The following HRK variants were observed in gnomAD, a reference collection of about 807,000 sequenced individuals.
HRK encodes the protein activator of apoptosis harakiri.
Under a neutral mutation model 5.9 loss-of-function variants are expected in HRK, and 6 were observed. The observed-to-expected ratio is 1.02, with a 90% CI of 0.56 to 2.01. HRK has a LOEUF of 2.01. HRK is among the 30% of genes most tolerant of loss of function. HRK has a pLI of 0.00. For synonymous variants in HRK, 85 were observed against 65.1 expected (o/e 1.31, Z -1.47); for missense variants, 133 against 128.3 (o/e 1.04, Z -0.18).
At chr12:116,880,780 G>A (rs1323547870) in intron 1 of HRK, among the ~76,000 whole-genome samples, 196 bp downstream of exon 1, 1 of 152,170 alleles carries the variant, frequency 6.6e-6, no homozygotes, top group Non-Finnish European at 1.5e-5. Flanking sequence ...AGAAACGGTG[G>A]ACCTTACACT....
At chr12:116,874,437 C>T (rs1039439175) in intron 1 of HRK, among the ~76,000 whole-genome samples, 2 of 152,172 alleles carry the variant, frequency 1.3e-5, no homozygotes, top group African/African-American at 4.8e-5. Context: ...GGTGAGGAGT[C>T]CCTGGGGCAC....
intron 1 of HRK, among the ~76,000 whole-genome samples, chr12:116,871,774 A>C (rs771131429): frequency 6.6e-6 from 1 of 151,574 alleles, no homozygotes; most frequent in Non-Finnish European, 1.5e-5. Context: ...CTACAGATGC[A>C]AGCCACCATG....
intron 1 of HRK, among the ~76,000 whole-genome samples, chr12:116,872,757 A>G (rs543055645): frequency 6.6e-6 from 1 of 152,060 alleles, no homozygotes; most frequent in South Asian, 2.1e-4. Flanking sequence ...CCTGGGTGAC[A>G]GAGTAAGACC....
chr12:116,872,627 T>G (rs949284490), intron 1 of HRK, among the ~76,000 whole-genome samples: 5 of 147,400 alleles, frequency 3.4e-5, no homozygotes, highest in African/African-American at 1.3e-4. Context: ...ATACAAAAAT[T>G]AGCCAGGTGT....
intron 1 of HRK, chr12:116,876,674 C>T (rs909881674): frequency 2.6e-4 from 39 of 152,128 alleles, no homozygotes; most frequent in African/African-American, 8.7e-4. Context: ...CCCACGCCTC[C>T]GCCAGCCAGC....
intron 1 of HRK, among the ~76,000 whole-genome samples, chr12:116,872,602 C>G (rs1286019822): frequency 1.3e-5 from 2 of 151,810 alleles, no homozygotes; most frequent in Non-Finnish European, 2.9e-5. Context: ...TAGCAAAACC[C>G]TGTCTCTACA....
Position 116,857,746 on chromosome 12 carries a change from A to C in HRK, c.*3777T>G, listed in dbSNP as rs1878202247. The C allele has an allele frequency of 6.6e-6, 1 of 152,240 alleles. No homozygotes were observed. Among genetic ancestry groups the C allele is most frequent in the Admixed American group, 6.5e-5 (1 of 15,284 alleles). The allele number at this position is 152,240 out of a possible 1,614,324, so 9.4% of individuals were successfully genotyped here. On this transcript the variant is annotated 3_prime_UTR_variant, in exon 2 of 2. Transcript: ENST00000257572. ...CACCCTTTCCTCTCACCATCAAAAC[A>C]GAAAAGAATCAAAATAAGAAGTGGA...
chr12:116,880,957 C>G lies in HRK; in HGVS notation c.*56+19G>C, dbSNP rs1565886546. Reference sequence around the variant, plus strand: ...TGCCCAGCTGCCGCGCCCCGGCTCTCGCTCGCTCGCTCGCGTACCTGTTGC... The same window carrying G: ...TGCCCAGCTGCCGCGCCCCGGCTCTGGCTCGCTCGCTCGCGTACCTGTTGC... On this transcript the variant is annotated intron_variant, in intron 1 of 1. Coordinates refer to ENST00000257572, the MANE Select transcript of HRK (RefSeq NM_003806.4). The G allele has an allele frequency of 9.1e-7, 1 of 1,103,598 alleles. No homozygotes were observed. Among genetic ancestry groups the G allele is most frequent in the Non-Finnish European group, 1.2e-6 (1 of 868,052 alleles). The allele number at this position is 1,103,598 out of a possible 1,614,324, so 68.4% of individuals were successfully genotyped here.
intron 1 of HRK, among the ~76,000 whole-genome samples, chr12:116,869,312 A>G (rs11068218): frequency 0.038 from 5,739 of 152,212 alleles, 175 homozygotes; most frequent in Non-Finnish European, 0.058. Flanking sequence ...AAATAAGAAC[A>G]ACACATATCA....
chr12:116,879,380 T>G lies in HRK; in HGVS notation c.*56+1596A>C, dbSNP rs1258944498. On this transcript the variant is annotated intron_variant, in intron 1 of 1. Coordinates refer to ENST00000257572, the MANE Select transcript of HRK (RefSeq NM_003806.4). This position sits in a 1 kb window ranked among gnomAD's most constrained non-coding sequence, Gnocchi z 5.6. ...CCATCTCGTCGCTTGTTTTTTCTCTTCCTCTTCGCCCACTTTTTTTCTGCC... is the reference window on the plus strand; with the variant it reads ...CCATCTCGTCGCTTGTTTTTTCTCTGCCTCTTCGCCCACTTTTTTTCTGCC... 1 of 152,310 alleles carries G rather than the reference T, an allele frequency of 6.6e-6. No homozygotes were observed. Among genetic ancestry groups the G allele is most frequent in the Non-Finnish European group, 1.5e-5 (1 of 68,078 alleles). 9.4% of individuals were successfully genotyped at this position (152,310 alleles called of 1,614,324 possible).
intron 1 of HRK, among the ~76,000 whole-genome samples, chr12:116,863,829 G>A (rs991018837): frequency 2.0e-5 from 3 of 152,004 alleles, no homozygotes; most frequent in Non-Finnish European, 4.4e-5. Context: ...CTCTAGCTGG[G>A]ACTATCGGCA....
At chr12:116,880,920 C>T (rs1397398807) in intron 1 of HRK, 56 bp downstream of exon 1, 2 of 765,874 alleles carry the variant, frequency 2.6e-6, no homozygotes, top group Admixed American at 4.7e-5. Context: ...CGGGCCAGCC[C>T]AGCGTCTCCA....
intron 1 of HRK, among the ~76,000 whole-genome samples, chr12:116,874,010 C>A (rs1010481940): frequency 6.6e-6 from 1 of 152,154 alleles, no homozygotes. Context: ...AATCGATGTC[C>A]ACAATGTTCC....
At chr12:116,871,555 C>T (rs1245326987) in intron 1 of HRK, among the ~76,000 whole-genome samples, 13 of 150,436 alleles carry the variant, frequency 8.6e-5, no homozygotes, top group African/African-American at 3.2e-4. Flanking sequence ...CCACCCACCT[C>T]GGCCTCCCAA....
intron 1 of HRK, among the ~76,000 whole-genome samples, chr12:116,870,299 G>A (rs1458970303): frequency 6.6e-6 from 1 of 152,160 alleles, no homozygotes; most frequent in Non-Finnish European, 1.5e-5. Context: ...CTGCCCCCAG[G>A]ATGATAGGTA....
At position 116,881,394 on chromosome 12, in the gene HRK, A is replaced by G. The variant is rs1879154934; in HGVS notation, c.-87T>C. On this transcript the variant is annotated 5_prime_UTR_variant, in exon 1 of 2. Transcript: ENST00000257572. Reference sequence around the variant, plus strand: ...TCTGCGCCCGCTGCCGCCGCGCTCCAGCCGCCGGGGGCCTCCCCTGGACAC... The same window carrying G: ...TCTGCGCCCGCTGCCGCCGCGCTCCGGCCGCCGGGGGCCTCCCCTGGACAC... The G allele has an allele frequency of 3.0e-6, 3 of 998,986 alleles. No homozygotes were observed. Among genetic ancestry groups the G allele is most frequent in the Admixed American group, 5.8e-5 (1 of 17,142 alleles). 61.9% of individuals were successfully genotyped at this position (998,986 alleles called of 1,614,324 possible).
chr12:116,877,217 A>ATT (rs377267721), intron 1 of HRK, among the ~76,000 whole-genome samples: 6 of 143,288 alleles, frequency 4.2e-5, no homozygotes, highest in Non-Finnish European at 6.1e-5. Context: ...TGCCCAGCTA[A>ATT]TTTTTTTTTT....
At position 116,857,439 on chromosome 12, in the gene HRK, C is replaced by G. The variant is rs1194329252; in HGVS notation, c.*4084G>C. 1.3e-5 allele frequency: 2 copies of G among 152,302 alleles called. No homozygotes were observed. The highest frequency in any genetic ancestry group is 2.1e-4 in the South Asian group (1 of 4,824). 9.4% of individuals were successfully genotyped at this position (152,302 alleles called of 1,614,324 possible). ...AAACCCTTAACCAACTTCTGACCTT[C>G]AGAAAAGAAATGGGTATTGACACAG... is the stretch of plus-strand genomic sequence containing the variant. On this transcript the variant is annotated 3_prime_UTR_variant, in exon 2 of 2. Transcript: ENST00000257572.
In HRK at chr12:116,858,130, A is replaced by AAG. The variant is rs1555211823; in HGVS notation, c.*3392_*3393insCT. The AAG allele has an allele frequency of 6.6e-6, 1 of 150,822 alleles. No homozygotes were observed. The highest frequency in any genetic ancestry group is 1.5e-5 in the Non-Finnish European group (1 of 67,744). 9.3% of individuals were successfully genotyped at this position (150,822 alleles called of 1,614,324 possible). ...AATGAAGGCGGCTAAAAAAAAAAAAAAAAAACGAACAAAAAAACAGGAACT... is the reference window on the plus strand; with the variant it reads ...AATGAAGGCGGCTAAAAAAAAAAAAAAGAAAAACGAACAAAAAAACAGGAACT... On this transcript the variant is annotated 3_prime_UTR_variant, in exon 2 of 2. Coordinates refer to ENST00000257572, the MANE Select transcript of HRK (RefSeq NM_003806.4).
Sources: allele counts gnomAD v4.1 joint callset (sites outside exome capture counted in the v4.1 genomes callset), GRCh38; gene constraint gnomAD v4.1.1; non-coding constraint Gnocchi (gnomAD v3.1); transcripts MANE v1.5; gene names NCBI Gene and HGNC (gene_info 2026-07-23, HGNC 2026-07-21).